Variants in DCC observed in about 807,000 individuals in gnomAD.
DCC encodes netrin receptor DCC.
DCC carries 58 observed loss-of-function variants against 172.5 expected under a neutral mutation model. The observed-to-expected ratio is 0.34, with a 90% CI of 0.27 to 0.42. DCC has a LOEUF of 0.42. Ranked by LOEUF, DCC falls within the 10% of genes least tolerant of loss-of-function variation. The pLI is 1.00. For missense variants in DCC, 1,740 were observed against 1,791.0 expected, an observed-to-expected ratio of 0.97 and a Z score of 0.51; for synonymous variants, 709 against 644.5, an observed-to-expected ratio of 1.10 and a Z score of -1.52.
chr18:53,090,323 A>C (rs760788779), intron 7 of DCC, among the ~76,000 whole-genome samples: 4 of 152,076 alleles, frequency 2.6e-5, no homozygotes, highest in African/African-American at 2.4e-5. Context: ...GATAGTGAAA[A>C]ATATCTTTTC....
chr18:52,573,123 T>G (rs1018282729), intron 1 of DCC, among the ~76,000 whole-genome samples: 14 of 152,124 alleles, frequency 9.2e-5, no homozygotes, highest in Non-Finnish European at 2.1e-4. Flanking sequence ...TTGGGAAAAT[T>G]CCAAATAATG....
At chr18:53,092,794 C>T (rs1047004592) in intron 7 of DCC, among the ~76,000 whole-genome samples, 1 of 152,126 alleles carries the variant, frequency 6.6e-6, no homozygotes, top group Non-Finnish European at 1.5e-5. Context: ...ATATACCAAT[C>T]CAGTCCCCAT....
chr18:53,483,023 C>T lies in DCC; in HGVS notation c.3737-3774C>T, dbSNP rs1010552491. 2.0e-5 allele frequency among the ~76,000 whole-genome samples: 3 copies of T among 151,818 alleles called. No homozygotes were observed. The South Asian group carries it at 6.2e-4, about 31-fold the overall frequency. On this transcript the variant is annotated intron_variant, in intron 25 of 28. Coordinates refer to ENST00000442544, the MANE Select transcript of DCC (RefSeq NM_005215.4). ...TAAAATGACAGATTTCTAAATAATA[C>T]TCCTAGAAAATCCTTCATATTAAAC... is the stretch of plus-strand genomic sequence containing the variant.
intron 16 of DCC, among the ~76,000 whole-genome samples, chr18:53,386,453 A>G (rs1908174009): frequency 6.6e-6 from 1 of 152,148 alleles, no homozygotes; most frequent in Non-Finnish European, 1.5e-5. Context: ...TGGTGCCCTG[A>G]TACCATGCTT....
At chr18:52,416,052 C>T (rs1162255517) in intron 1 of DCC, among the ~76,000 whole-genome samples, 1 of 151,896 alleles carries the variant, frequency 6.6e-6, no homozygotes, top group Non-Finnish European at 1.5e-5. Flanking sequence ...GAATGTGTCC[C>T]AGAGATTCTG....
intron 7 of DCC, among the ~76,000 whole-genome samples, chr18:53,128,830 T>TACACACACAC (rs1209652447): frequency 2.9e-4 from 25 of 86,944 alleles, no homozygotes; most frequent in African/African-American, 9.1e-4. Flanking sequence ...TGTATACACA[T>TACACACACAC]ACACACACAC....
At chr18:52,943,659 C>T (rs1366064876) in intron 5 of DCC, among the ~76,000 whole-genome samples, 1 of 151,936 alleles carries the variant, frequency 6.6e-6, no homozygotes, top group African/African-American at 2.4e-5. Flanking sequence ...TTTTTATTTT[C>T]TGGCATTCAT....
intron 1 of DCC, among the ~76,000 whole-genome samples, chr18:52,636,358 G>A (rs1410611915): frequency 7.0e-6 from 1 of 142,180 alleles, no homozygotes; most frequent in Admixed American, 7.3e-5. Flanking sequence ...GGGAGGGCAC[G>A]AATTGGGGAT....
intron 1 of DCC, among the ~76,000 whole-genome samples, chr18:52,471,289 G>C (rs1348632713): frequency 6.6e-6 from 1 of 152,148 alleles, no homozygotes; most frequent in Middle Eastern, 3.2e-3. Flanking sequence ...AGCCGAGGCT[G>C]CAGTGAGCCT....
At chr18:53,024,378 A>G (rs1378446623) in intron 5 of DCC, among the ~76,000 whole-genome samples, 1 of 152,090 alleles carries the variant, frequency 6.6e-6, no homozygotes, top group African/African-American at 2.4e-5. Context: ...CTCCCTTGCA[A>G]TCTCTAAAAT....
intron 8 of DCC, among the ~76,000 whole-genome samples, chr18:53,170,291 CAGAG>C (rs1464022310): frequency 6.6e-6 from 1 of 152,176 alleles, no homozygotes; most frequent in African/African-American, 2.4e-5. Context: ...CAGTGTCCCT[CAGAG>C]AGCAGTTTCC....
At chr18:53,206,168 TATAC>T (rs974121735) in intron 10 of DCC, among the ~76,000 whole-genome samples, 2 of 904 alleles carry the variant, frequency 2.2e-3, no homozygotes, top group African/African-American at 1.6e-3. Flanking sequence ...CATATATACA[TATAC>T]ATATATAATA....
Position 52,633,940 on chromosome 18 carries a change from A to T in DCC, c.92-118114A>T, listed in dbSNP as rs559901346. On this transcript the variant is annotated intron_variant, in intron 1 of 28. Coordinates refer to ENST00000442544, the MANE Select transcript of DCC (RefSeq NM_005215.4). Reference sequence around the variant, plus strand: ...CTCAGGAGGAATTGTCTGTGAAAGGACAGACTGAGCTATGGAGGGACACAC... The same window carrying T: ...CTCAGGAGGAATTGTCTGTGAAAGGTCAGACTGAGCTATGGAGGGACACAC... Among the ~76,000 whole-genome samples the T allele has an allele frequency of 2.0e-5, 3 of 152,386 alleles. No individual in the cohort carries two copies. The East Asian group carries it at 5.8e-4, about 29-fold the overall frequency.
At chr18:53,475,149 G>A (rs772651540) in intron 25 of DCC, among the ~76,000 whole-genome samples, 2 of 152,160 alleles carry the variant, frequency 1.3e-5, no homozygotes, top group Non-Finnish European at 2.9e-5. Flanking sequence ...GATGTGACTT[G>A]GATGCTGTTA....
intron 7 of DCC, among the ~76,000 whole-genome samples, chr18:53,119,505 A>T (rs1045043488): frequency 3.3e-5 from 5 of 151,868 alleles, no homozygotes; most frequent in African/African-American, 4.8e-5. Flanking sequence ...ACTCTTGTAG[A>T]AATTAGAAAC....
At chr18:53,269,805 T>A (rs1232375961) in intron 12 of DCC, among the ~76,000 whole-genome samples, 1 of 151,924 alleles carries the variant, frequency 6.6e-6, no homozygotes, top group Non-Finnish European at 1.5e-5. Context: ...TGCTCTAGAG[T>A]CAGTTTACTC....
intron 1 of DCC, among the ~76,000 whole-genome samples, chr18:52,358,200 G>C (rs11082921): frequency 0.32 from 49,395 of 152,014 alleles, 8,593 homozygotes; most frequent in East Asian, 0.51. Flanking sequence ...TAAAGAAAGT[G>C]TGTGAAACAG....
At chr18:53,346,886 TTTA>T (rs1308574009) in intron 15 of DCC, among the ~76,000 whole-genome samples, 1 of 152,188 alleles carries the variant, frequency 6.6e-6, no homozygotes, top group Non-Finnish European at 1.5e-5. Flanking sequence ...GAATCTGAGT[TTTA>T]TTACAATCCT....
chr18:52,373,785 A>G lies in DCC; in HGVS notation c.91+32907A>G, dbSNP rs546372737. ...CCTAAATGATGCTAACACCTTAGTC[A>G]TTGTTTAGCTTAAACCTTATCCTCT... On this transcript the variant is annotated intron_variant, in intron 1 of 28. Transcript: ENST00000442544. Among the ~76,000 whole-genome samples the G allele has an allele frequency of 3.3e-5, 5 of 151,914 alleles. No homozygotes were observed. In the South Asian group the frequency reaches 8.3e-4, roughly 25 times the overall value.
Sources: gnomAD v4.1 joint callset for allele counts (sites outside exome capture counted in the v4.1 genomes callset) on GRCh38, gnomAD v4.1.1 for gene constraint, MANE v1.5 for transcripts, NCBI Gene and HGNC (gene_info 2026-07-23, HGNC 2026-07-21) for gene names.